The following GPT2 variants were observed in gnomAD, a reference collection of about 807,000 sequenced individuals.
GPT2 encodes alanine aminotransferase 2.
In GPT2, 30 loss-of-function variants were observed where a neutral mutation model predicts 56.9. The observed-to-expected ratio is 0.53, with a 90% CI of 0.39 to 0.72. The LOEUF is 0.72. GPT2 is among the 30% of genes least tolerant of loss of function. GPT2 has a pLI of 0.00. For synonymous variants in GPT2, 271 were observed against 283.1 expected (o/e 0.96, Z 0.43); for missense variants, 542 against 703.4 (o/e 0.77, Z 2.60).
chr16:46,920,540 G>C (rs1346805778), intron 8 of GPT2, among the ~76,000 whole-genome samples: 1 of 152,244 alleles, frequency 6.6e-6, no homozygotes, highest in Non-Finnish European at 1.5e-5. Flanking sequence ...TGCAGCAAAG[G>C]GCATGTGTTC....
At chr16:46,904,964 C>G (rs192115676) in intron 4 of GPT2, among the ~76,000 whole-genome samples, 165 of 152,190 alleles carry the variant, frequency 1.1e-3, no homozygotes, top group African/African-American at 3.8e-3. Flanking sequence ...CAGTTGGCAC[C>G]TTAGAGTGTT....
At chr16:46,907,039 T>G in intron 5 of GPT2, 64 bp downstream of exon 5, 1 of 1,603,784 alleles carries the variant, frequency 6.2e-7, no homozygotes, top group Non-Finnish European at 8.5e-7. Flanking sequence ...CCTTGCCTGT[T>G]AGGGCCCAGC....
intron 9 of GPT2, 99 bp from the exon 10 acceptor site, chr16:46,924,290 T>A: frequency 7.4e-7 from 1 of 1,345,022 alleles, no homozygotes; most frequent in Non-Finnish European, 1.1e-6. Context: ...AGCAAAGTCA[T>A]CATCTGGGAT....
At position 46,884,830 on chromosome 16, in the gene GPT2, C is replaced by A. The variant is rs1042743680; in HGVS notation, c.115C>A (p.Pro39Thr). The A allele has an allele frequency of 1.9e-6, 3 of 1,539,742 alleles. No individual in the cohort carries two copies. The highest frequency in any genetic ancestry group is 2.6e-6 in the Non-Finnish European group (3 of 1,143,180). Reference protein sequence around the residue: ...AEASAVLKVRPERSRRERILT... With the variant: ...AEASAVLKVRTERSRRERILT... ...GGCCTCGGCGGTGCTCAAGGTGCGG[C>A]CCGAGCGCAGCCGGCGCGAGCGCAT... The change falls in exon 2 of 12, where the codon CCC becomes ACC. Residue 39 changes from proline to threonine, a missense_variant. Physicochemically the swap from Pro to Thr is conservative, Grantham distance 38 (BLOSUM62 -1). Transcript: ENST00000340124.
chr16:46,898,998 CAT>C lies in GPT2; in HGVS notation c.333+1298_333+1299del, dbSNP rs61197632. On this transcript the variant is annotated intron_variant, in intron 3 of 11. Coordinates refer to ENST00000340124, the MANE Select transcript of GPT2 (RefSeq NM_133443.4). ...CACATATATATATATATATAACACA[CAT>C]ATATATATATATATATATATATATA... 1.0e-4 allele frequency among the ~76,000 whole-genome samples: 13 copies of C among 124,420 alleles called. 1 individual carries two copies. The highest frequency in any genetic ancestry group is 4.7e-4 in the African/African-American group (13 of 27,754). The allele number at this position is 124,420 out of a possible 152,430, so 81.6% of individuals were successfully genotyped here. A position where few individuals can be genotyped will look rare whatever the true frequency, so the allele number is the denominator to read the frequency against.
chr16:46,894,728 A>C (rs11643011), intron 2 of GPT2, among the ~76,000 whole-genome samples: 150,347 of 151,870 alleles, frequency 0.99, 74,433 homozygotes, highest in Middle Eastern at 1. Context: ...TGCAGTGGCG[A>C]AATCTCGGCT....
chr16:46,884,583 A>C, intron 1 of GPT2, 111 bp from the exon 2 acceptor site: 1 of 1,163,294 alleles, frequency 8.6e-7, no homozygotes, highest in Non-Finnish European at 1.1e-6. Flanking sequence ...CCAGCGCCGA[A>C]GCCAGGCTGG....
At chr16:46,894,306 C>G (rs1391347847) in intron 2 of GPT2, among the ~76,000 whole-genome samples, 1 of 152,166 alleles carries the variant, frequency 6.6e-6, no homozygotes, top group African/African-American at 2.4e-5. Context: ...GTGTTGGTTC[C>G]TGGGCCTCAC....
intron 4 of GPT2, among the ~76,000 whole-genome samples, chr16:46,906,157 T>C (rs763411942): frequency 6.6e-6 from 1 of 152,116 alleles, no homozygotes; most frequent in Non-Finnish European, 1.5e-5. Context: ...CACCGCAGCC[T>C]CTACCTCCTG....
chr16:46,898,236 G>C (rs1960722457), intron 3 of GPT2, among the ~76,000 whole-genome samples: 1 of 152,222 alleles, frequency 6.6e-6, no homozygotes, highest in South Asian at 2.1e-4. Context: ...GAGGCGATGA[G>C]TGCAGAGGCC....
intron 6 of GPT2, 138 bp downstream of exon 6, chr16:46,910,065 G>A (rs2143476712): frequency 8.2e-7 from 1 of 1,214,928 alleles, no homozygotes. Flanking sequence ...CTAAAGCCAT[G>A]AAATTTGCCA....
At chr16:46,911,678 G>A (rs538937173) in intron 6 of GPT2, among the ~76,000 whole-genome samples, 21 of 152,262 alleles carry the variant, frequency 1.4e-4, no homozygotes, top group African/African-American at 2.4e-4. Flanking sequence ...CCCAAGCTGC[G>A]GGGCCCCACT....
rs186855581 is a variant in GPT2 at position 46,908,690 on chromosome 16, T to C, written c.577-994T>C. 6.5e-4 allele frequency among the ~76,000 whole-genome samples: 99 copies of C among 152,288 alleles called. 2 individuals are homozygous for C. Among genetic ancestry groups the C allele is most frequent in the Non-Finnish European group, 2.4e-4 (16 of 68,034 alleles). On this transcript the variant is annotated intron_variant, in intron 5 of 11. Transcript: ENST00000340124. ...ACATTTGGGACTCTAACATTGGAGC[T>C]CCAGCTACCAATCACATCATCTTCC... is the stretch of plus-strand genomic sequence containing the variant.
At chr16:46,889,858 G>A (rs1412168817) in intron 2 of GPT2, among the ~76,000 whole-genome samples, 1 of 152,218 alleles carries the variant, frequency 6.6e-6, no homozygotes, top group Non-Finnish European at 1.5e-5. Context: ...AAGGTCGCTT[G>A]TCTTTCCCAC....
intron 8 of GPT2, among the ~76,000 whole-genome samples, chr16:46,919,932 T>G (rs1245078872): frequency 6.6e-6 from 1 of 151,828 alleles, no homozygotes; most frequent in Non-Finnish European, 1.5e-5. Context: ...CCTGGCCAGG[T>G]GCAGTGGCTC....
chr16:46,884,582 AAG>A, intron 1 of GPT2, 110 bp from the exon 2 acceptor site: 1 of 1,157,950 alleles, frequency 8.6e-7, no homozygotes, highest in Non-Finnish European at 1.1e-6. Context: ...ACCAGCGCCG[AAG>A]CCAGGCTGGC....
intron 2 of GPT2, chr16:46,885,402 G>C (rs569537035): frequency 1.6e-5 from 13 of 821,502 alleles, no homozygotes; most frequent in East Asian, 1.2e-4. Flanking sequence ...GAGACGGGGT[G>C]GGGGGGGCTC....
Position 46,892,072 on chromosome 16 carries a change from A to G in GPT2, c.244-5576A>G, listed in dbSNP as rs139428986. Among the ~76,000 whole-genome samples, 1,007 of 152,214 alleles carry G rather than the reference A, an allele frequency of 6.6e-3. 40 individuals are homozygous for G. The highest frequency in any genetic ancestry group is 0.06 in the Admixed American group (912 of 15,290). On this transcript the variant is annotated intron_variant, in intron 2 of 11. Transcript: ENST00000340124. ...TACCCTTTGACCAACATTGCCACAT[A>G]TGCACTCCCCCAACCCCACTGCTGG...
chr16:46,885,507 ATTCC>A (rs1266269904), intron 2 of GPT2: 6 of 985,224 alleles, frequency 6.1e-6, no homozygotes, highest in Non-Finnish European at 7.2e-6. Flanking sequence ...AGTCGGCAGA[ATTCC>A]TTCCTTTAGG....
Sources: gnomAD v4.1 joint callset for allele counts (sites outside exome capture counted in the v4.1 genomes callset) on GRCh38, gnomAD v4.1.1 for gene constraint, MANE v1.5 for transcripts, NCBI Gene and HGNC (gene_info 2026-07-23, HGNC 2026-07-21) for gene names.